PI4KA: variants seen among roughly 807,000 people sequenced by gnomAD.
PI4KA encodes the protein phosphatidylinositol 4-kinase alpha, also known as PI4-kinase alpha.
Under a neutral mutation model 271.4 loss-of-function variants are expected in PI4KA, and 122 were observed. The observed-to-expected ratio is 0.45, with a 90% CI of 0.39 to 0.52. The LOEUF is 0.52. Among genes scored for constraint, PI4KA ranks in the 20% least tolerant of loss-of-function variants. The pLI is 0.00. For missense variants in PI4KA, 1,969 were observed against 2,769.1 expected (o/e 0.71, Z 6.48); for synonymous variants, 1,041 against 1,078.8 (o/e 0.96, Z 0.69).
chr22:20,855,776 A>C (rs904531875), intron 1 of PI4KA, among the ~76,000 whole-genome samples: 8 of 152,274 alleles, frequency 5.3e-5, no homozygotes, highest in Non-Finnish European at 1.2e-4. Flanking sequence ...CCTAGCCATC[A>C]GATTCCCAGA....
chr22:20,853,318 C>T (rs165707), intron 1 of PI4KA, among the ~76,000 whole-genome samples: 12 of 151,924 alleles, frequency 7.9e-5, no homozygotes, highest in Admixed American at 3.9e-4. Context: ...GAGACACAAA[C>T]AGGCCACTGA....
chr22:20,746,361 C>G (rs896323847), intron 29 of PI4KA, among the ~76,000 whole-genome samples: 3 of 151,600 alleles, frequency 2.0e-5, no homozygotes, highest in Non-Finnish European at 4.4e-5. Flanking sequence ...CGTGCCTGGC[C>G]CCAGAATTAA....
At chr22:20,734,658 T>A in intron 32 of PI4KA, 105 bp from the exon 33 acceptor site, 1 of 1,180,340 alleles carries the variant, frequency 8.5e-7, no homozygotes, top group African/African-American at 1.5e-5. Flanking sequence ...TGAATAAGAT[T>A]TAGAAACCAA....
chr22:20,857,087 A>G (rs1040326275), intron 1 of PI4KA, among the ~76,000 whole-genome samples: 3 of 152,244 alleles, frequency 2.0e-5, no homozygotes, highest in Non-Finnish European at 4.4e-5. Context: ...TAATGATAAC[A>G]GTGCTCATAC....
At chr22:20,851,987 G>C (rs1028579603) in intron 1 of PI4KA, among the ~76,000 whole-genome samples, 1 of 152,162 alleles carries the variant, frequency 6.6e-6, no homozygotes, top group African/African-American at 2.4e-5. Context: ...AGCCGGGCGT[G>C]GTGGCGGGCG....
At chr22:20,782,612 C>T (rs927014722) in intron 19 of PI4KA, among the ~76,000 whole-genome samples, 5 of 152,180 alleles carry the variant, frequency 3.3e-5, no homozygotes, top group Non-Finnish European at 7.3e-5. Context: ...AGACATGGGA[C>T]AGCTCCATCC....
chr22:20,846,991 CAAA>C (rs1926351254), intron 1 of PI4KA, among the ~76,000 whole-genome samples: 1 of 151,188 alleles, frequency 6.6e-6, no homozygotes, highest in African/African-American at 2.4e-5. Context: ...ACTAAAAATA[CAAA>C]AAAATTAGCT....
At chr22:20,756,528 T>C (rs1931326381) in intron 23 of PI4KA, among the ~76,000 whole-genome samples, 1 of 151,946 alleles carries the variant, frequency 6.6e-6, no homozygotes, top group Non-Finnish European at 1.5e-5. Flanking sequence ...CCTAGTATAA[T>C]AGTTTTTTCA....
chr22:20,834,590 T>C lies in PI4KA; in HGVS notation c.339A>G (p.Val113=), dbSNP rs1286240694. Residue 113 remains valine, a synonymous_variant, in exon 3 of 55, where the codon GTA becomes GTG. Coordinates refer to ENST00000255882, the MANE Select transcript of PI4KA (RefSeq NM_058004.4). ...TGCCTTTCCGAGCTGTGCTTTCTTCTACCCAATACACTTTTGGAAGACCTT... is the reference window on the plus strand; with the variant it reads ...TGCCTTTCCGAGCTGTGCTTTCTTCCACCCAATACACTTTTGGAAGACCTT... The part of the protein sequence containing the change: ...LLKGLPKVYW[V]EESTARKGRG... 6.2e-7 allele frequency: 1 copy of C among 1,609,304 alleles called. No homozygotes were observed. The highest frequency in any genetic ancestry group is 1.7e-5 in the Admixed American group (1 of 60,010).
Position 20,751,325 on chromosome 22 carries a change from T to G in PI4KA, c.3121A>C (p.Ile1041Leu). 1.2e-6 allele frequency: 2 copies of G among 1,614,002 alleles called. No homozygotes were observed. Among genetic ancestry groups the G allele is most frequent in the African/African-American group, 1.3e-5 (1 of 74,990 alleles). ...YYDIPDAPYR[I>L]TVPDTYEARE... ...GCTTCGTACGTGTCAGGAACCGTGA[T>G]CCGGTAGGGGGCGTCGGGGATGTCA... The change falls in exon 27 of 55, where the codon ATC (isoleucine) becomes CTC (leucine). Residue 1041 changes from isoleucine (I) to leucine (L), a missense_variant. Ile to Leu is a conservative substitution (Grantham distance 5, BLOSUM62 2). Transcript: ENST00000255882.
chr22:20,777,406 C>T (rs1408297053), intron 19 of PI4KA, among the ~76,000 whole-genome samples: 1 of 151,992 alleles, frequency 6.6e-6, no homozygotes, highest in Non-Finnish European at 1.5e-5. Context: ...TTTGTAGAGA[C>T]AGGGTTTCTC....
intron 19 of PI4KA, among the ~76,000 whole-genome samples, chr22:20,784,515 T>C (rs749285501): frequency 2.0e-4 from 30 of 152,312 alleles, no homozygotes; most frequent in Non-Finnish European, 2.5e-4. Flanking sequence ...GCTTGCTTTG[T>C]GGCTTCGAGT....
At chr22:20,732,419 G>A (rs1461268393) in intron 36 of PI4KA, among the ~76,000 whole-genome samples, 4 of 152,030 alleles carry the variant, frequency 2.6e-5, no homozygotes, top group Admixed American at 1.3e-4. Context: ...GTTTTCATTC[G>A]GCATACCCTT....
chr22:20,759,900 A>T (rs1403551698), intron 23 of PI4KA, among the ~76,000 whole-genome samples: 1 of 151,930 alleles, frequency 6.6e-6, no homozygotes, highest in Non-Finnish European at 1.5e-5. Context: ...GGGTTTCACC[A>T]TGTTGGCCAG....
intron 45 of PI4KA, among the ~76,000 whole-genome samples, chr22:20,716,344 A>G (rs2908768): frequency 5.3e-5 from 8 of 152,180 alleles, no homozygotes; most frequent in Admixed American, 2.0e-4. Context: ...GAGCCACCGC[A>G]CCCGGCCCAG....
At chr22:20,802,667 C>T (rs1935397086) in intron 13 of PI4KA, among the ~76,000 whole-genome samples, 1 of 152,200 alleles carries the variant, frequency 6.6e-6, no homozygotes, top group South Asian at 2.1e-4. Context: ...TCCTGAGTAG[C>T]TAGGACTACA....
At chr22:20,722,900 T>A (rs1438476044) in intron 42 of PI4KA, among the ~76,000 whole-genome samples, 2 of 152,206 alleles carry the variant, frequency 1.3e-5, no homozygotes, top group Non-Finnish European at 2.9e-5. Context: ...TGTTTTTAAA[T>A]ATAAGTTTGC....
At chr22:20,765,897 G>C (rs963042153) in intron 19 of PI4KA, among the ~76,000 whole-genome samples, 3 of 152,198 alleles carry the variant, frequency 2.0e-5, no homozygotes, top group Non-Finnish European at 4.4e-5. Flanking sequence ...GTGTGCACCA[G>C]GTGCTGTGCC....
At chr22:20,712,333 G>A in intron 50 of PI4KA, 153 bp downstream of exon 50, 1 of 984,056 alleles carries the variant, frequency 1.0e-6, no homozygotes, top group Non-Finnish European at 1.2e-6. Flanking sequence ...AGGATTACAG[G>A]TGTGAGCCAC....
Sources: gnomAD v4.1 joint callset for allele counts (sites outside exome capture counted in the v4.1 genomes callset) on GRCh38, gnomAD v4.1.1 for gene constraint, MANE v1.5 for transcripts, NCBI Gene and HGNC (gene_info 2026-07-23, HGNC 2026-07-21) for gene names.